The following TSHZ3 variants were observed in gnomAD, a reference collection of about 807,000 sequenced individuals.
TSHZ3 encodes the protein teashirt zinc finger homeobox 3.
In TSHZ3, 10 loss-of-function variants were observed where a neutral mutation model predicts 64.5. The ratio of observed to expected loss-of-function variants is 0.16; its 90% CI spans 0.10 to 0.26. The LOEUF is 0.26. Among genes scored for constraint, TSHZ3 ranks in the 10% least tolerant of loss-of-function variants. The pLI is 1.00. For synonymous variants in TSHZ3, 608 were observed against 593.1 expected (o/e 1.03, Z -0.36); for missense variants, 1,242 against 1,421.7 (o/e 0.87, Z 2.03).
chr19:31,161,359 G>A (rs2145103479), intron 5 of TSHZ3, among the ~76,000 whole-genome samples: 1 of 152,178 alleles, frequency 6.6e-6, no homozygotes, highest in African/African-American at 2.4e-5. Context: ...TAAAGTTAAG[G>A]CAGAACAACA....
intron 1 of TSHZ3, among the ~76,000 whole-genome samples, chr19:31,296,067 A>G (rs1976654414): frequency 6.6e-6 from 1 of 151,374 alleles, no homozygotes; most frequent in African/African-American, 2.4e-5. Context: ...AAGACATAGC[A>G]GAAGGTAGGA....
At chr19:31,221,749 T>C (rs1370050186) in intron 4 of TSHZ3, among the ~76,000 whole-genome samples, 1 of 152,192 alleles carries the variant, frequency 6.6e-6, no homozygotes, top group Non-Finnish European at 1.5e-5. Flanking sequence ...ATCTTAGCAT[T>C]AACACGGTAT....
chr19:31,308,570 G>C (rs1916363418), intron 1 of TSHZ3: 1 of 398,006 alleles, frequency 2.5e-6, no homozygotes, highest in Non-Finnish European at 4.4e-6. Context: ...TTTGGAAATG[G>C]AGGTTTCGGA....
At chr19:31,323,951 C>G (rs1364752657) in intron 1 of TSHZ3, among the ~76,000 whole-genome samples, 1 of 150,990 alleles carries the variant, frequency 6.6e-6, no homozygotes, top group Non-Finnish European at 1.5e-5. Context: ...TAGGGCATCC[C>G]TTTGCATGTG....
At position 31,278,739 on chromosome 19, in the gene TSHZ3, G is replaced by A. The variant is rs773436087; in HGVS notation, c.1054C>T (p.Leu352Phe). ...KATISDTNDA[L>F]QKNSNPYITP... is the part of the protein sequence containing the mutation. Reference sequence around the variant, plus strand: ...ATGTAAGGGTTGGAGTTCTTCTGAAGTGCATCGTTGGTGTCTGAGATGGTG... The same window carrying A: ...ATGTAAGGGTTGGAGTTCTTCTGAAATGCATCGTTGGTGTCTGAGATGGTG... Residue 352 changes from leucine (L) to phenylalanine (F), a missense_variant, in exon 2 of 2, where the codon CTT (leucine) becomes TTT (phenylalanine). Physicochemically the swap from Leu to Phe is conservative, Grantham distance 22. Coordinates refer to ENST00000240587, the MANE Select transcript of TSHZ3 (RefSeq NM_020856.4). The surrounding 1 kb of genome is among the most constrained non-coding windows in gnomAD (Gnocchi z 4.7). The A allele has an allele frequency of 3.8e-5, 61 of 1,614,082 alleles. No individual in the cohort carries two copies. Among genetic ancestry groups the A allele is most frequent in the Non-Finnish European group, 5.0e-5 (59 of 1,180,040 alleles).
At chr19:31,335,279 A>G (rs1365943160) in intron 1 of TSHZ3, among the ~76,000 whole-genome samples, 1 of 152,212 alleles carries the variant, frequency 6.6e-6, no homozygotes, top group Non-Finnish European at 1.5e-5. Context: ...GCGCTTTCTC[A>G]GCAATTATTT....
At chr19:31,235,533 A>G (rs1284765184) in intron 3 of TSHZ3, among the ~76,000 whole-genome samples, 2 of 151,196 alleles carry the variant, frequency 1.3e-5, no homozygotes, top group Non-Finnish European at 3.0e-5. Flanking sequence ...AACTTCCTCC[A>G]ATGTGTGTAT....
At chr19:31,249,962 T>C (rs1049392934) in intron 1 of TSHZ3, among the ~76,000 whole-genome samples, 2 of 152,200 alleles carry the variant, frequency 1.3e-5, no homozygotes, top group Admixed American at 1.3e-4. Flanking sequence ...AAATATATCC[T>C]CCCTGGAGCC....
At chr19:31,212,275 G>A (rs904374823) in intron 4 of TSHZ3, among the ~76,000 whole-genome samples, 1 of 152,020 alleles carries the variant, frequency 6.6e-6, no homozygotes, top group Non-Finnish European at 1.5e-5. Context: ...GGCCAATATG[G>A]TGAAACCCTG....
chr19:31,335,915 A>C (rs568934587), intron 1 of TSHZ3, among the ~76,000 whole-genome samples: 1 of 152,258 alleles, frequency 6.6e-6, no homozygotes, highest in African/African-American at 2.4e-5. Context: ...CTTGGCAAAA[A>C]ATCCCCGGTG....
At chr19:31,209,846 G>A (rs912623833) in intron 4 of TSHZ3, among the ~76,000 whole-genome samples, 2 of 152,090 alleles carry the variant, frequency 1.3e-5, no homozygotes, top group Non-Finnish European at 2.9e-5. Flanking sequence ...AAATCCTCAA[G>A]GGCCCCCAAC....
At chr19:31,222,833 G>A (rs2145169153) in intron 4 of TSHZ3, among the ~76,000 whole-genome samples, 1 of 152,164 alleles carries the variant, frequency 6.6e-6, no homozygotes, top group South Asian at 2.1e-4. Context: ...AAACATGACA[G>A]AGAGTGATTC....
At chr19:31,214,781 G>A (rs924837007) in intron 4 of TSHZ3, among the ~76,000 whole-genome samples, 9 of 151,878 alleles carry the variant, frequency 5.9e-5, no homozygotes, top group Admixed American at 1.3e-4. Flanking sequence ...GGTGGCGGGC[G>A]CCTGTAGTCC....
chr19:31,276,325 CACTT>C lies in TSHZ3; in HGVS notation c.*218_*221del, dbSNP rs1976230990. ...AATCCCGTTTACACAAAGTTCCAAA[CACTT>C]ACCACTGCATTTTAACCTTCATATT... On this transcript the variant is annotated 3_prime_UTR_variant, in exon 2 of 2. Transcript: ENST00000240587. 2 of 411,952 alleles carry C rather than the reference CACTT, an allele frequency of 4.9e-6. No homozygotes were observed. The highest frequency in any genetic ancestry group is 3.7e-5 in the East Asian group (1 of 27,316). 25.5% of individuals were successfully genotyped at this position (411,952 alleles called of 1,614,324 possible).
At chr19:31,185,275 C>T (rs759898833) in intron 5 of TSHZ3, among the ~76,000 whole-genome samples, 45 of 152,252 alleles carry the variant, frequency 3.0e-4, no homozygotes, top group Admixed American at 7.2e-4. Context: ...TTCAAGGCAG[C>T]CAGGGGCCAA....
At chr19:31,214,608 T>G (rs1400834582) in intron 4 of TSHZ3, among the ~76,000 whole-genome samples, 3 of 152,160 alleles carry the variant, frequency 2.0e-5, no homozygotes, top group Non-Finnish European at 4.4e-5. Flanking sequence ...TGAAGACCTA[T>G]TTCCTAAAGA....
chr19:31,290,563 T>C (rs1976545830), intron 1 of TSHZ3, among the ~76,000 whole-genome samples: 1 of 152,088 alleles, frequency 6.6e-6, no homozygotes, highest in African/African-American at 2.4e-5. Flanking sequence ...AGGTGACAAT[T>C]CAGTGGGGAA....
chr19:31,268,941 C>T (rs1184414251), intron 1 of TSHZ3, among the ~76,000 whole-genome samples: 6 of 152,056 alleles, frequency 3.9e-5, no homozygotes, highest in Non-Finnish European at 7.4e-5. Flanking sequence ...CCAAGCTCAG[C>T]GCCCACTAGA....
At chr19:31,261,107 A>G (rs778305269) in intron 1 of TSHZ3, among the ~76,000 whole-genome samples, 5 of 152,108 alleles carry the variant, frequency 3.3e-5, no homozygotes, top group Non-Finnish European at 7.4e-5. Flanking sequence ...CTGTGCTTCA[A>G]TCTCCCCATC....
Sources: gnomAD v4.1 joint callset for allele counts (sites outside exome capture counted in the v4.1 genomes callset) on GRCh38, gnomAD v4.1.1 for gene constraint, Gnocchi (gnomAD v3.1) non-coding constraint, MANE v1.5 for transcripts, NCBI Gene and HGNC (gene_info 2026-07-23, HGNC 2026-07-21) for gene names.